The following AGXT variants were observed in gnomAD, a reference collection of about 807,000 sequenced individuals.
AGXT encodes the protein L-alanine: glyoxylate aminotransferase 1.
A neutral mutation model predicts 46.9 loss-of-function variants in AGXT; 41 were observed. That is an observed-to-expected ratio of 0.88 (90% CI 0.68 to 1.14). The LOEUF is 1.14. Among genes scored for constraint, AGXT ranks in the 50% most tolerant of loss-of-function variants. AGXT has a pLI of 0.00. For missense variants in AGXT, 525 were observed against 522.7 expected, an observed-to-expected ratio of 1.00 and a Z score of -0.04; for synonymous variants, 244 against 227.9, an observed-to-expected ratio of 1.07 and a Z score of -0.64.
At position 240,868,925 on chromosome 2, in the gene AGXT, C is replaced by A; in HGVS notation, c.60C>A (p.Ile20=). ...AGGCCCTGCTCAAGCCCCTCTCCAT[C>A]CCCAACCAGCTCCTGCTGGGGCCTG... ...PPKALLKPLS[I]PNQLLLGPGP... Residue 20 remains isoleucine, a synonymous_variant, in exon 1 of 11, where the codon ATC becomes ATA. Coordinates refer to ENST00000307503, the MANE Select transcript of AGXT (RefSeq NM_000030.3). 3 of 1,613,346 alleles carry A rather than the reference C, an allele frequency of 1.9e-6. No individual in the cohort carries two copies. The highest frequency in any genetic ancestry group is 1.3e-5 in the African/African-American group (1 of 75,064).
At chr2:240,869,947 G>A (rs551989354) in intron 2 of AGXT, among the ~76,000 whole-genome samples, 7 of 152,212 alleles carry the variant, frequency 4.6e-5, no homozygotes, top group East Asian at 3.9e-4. Context: ...GTTAATACGC[G>A]ACCGCAACAG....
intron 4 of AGXT, among the ~76,000 whole-genome samples, chr2:240,871,696 C>T (rs2058991922): frequency 6.6e-6 from 1 of 152,198 alleles, no homozygotes; most frequent in Non-Finnish European, 1.5e-5. Flanking sequence ...GACCTCTGTC[C>T]CCAGGGCTGA....
chr2:240,877,109 T>C (rs2059028512), intron 8 of AGXT: 1 of 356,772 alleles, frequency 2.8e-6, no homozygotes, highest in South Asian at 2.2e-5. Flanking sequence ...TGTCCAGAGC[T>C]GAGGCAGGAG....
intron 8 of AGXT, chr2:240,877,276 C>G (rs1312492989): frequency 1.5e-6 from 1 of 655,268 alleles, no homozygotes; most frequent in Non-Finnish European, 2.8e-6. Context: ...GCAAGGCACT[C>G]TCCACTCTTC....
intron 6 of AGXT, 121 bp from the exon 7 acceptor site, chr2:240,874,988 G>A: frequency 1.2e-6 from 1 of 811,152 alleles, no homozygotes; most frequent in South Asian, 1.4e-5. Flanking sequence ...ATGCAGCTGG[G>A]GCGGGCCCTC....
rs912838566 is a variant in AGXT at position 240,880,116 on chromosome 2, C to T, written c.*1295C>T. The T allele has an allele frequency of 6.6e-6, 1 of 152,138 alleles. No individual in the cohort carries two copies. The highest frequency in any genetic ancestry group is 2.4e-5 in the African/African-American group (1 of 41,406). The allele number at this position is 152,138 out of a possible 1,614,324, so 9.4% of individuals were successfully genotyped here. A position where few individuals can be genotyped will look rare whatever the true frequency, so the allele number is the denominator to read the frequency against. On this transcript the variant is annotated 3_prime_UTR_variant, in exon 11 of 11. Transcript: ENST00000307503. ...AATTCTTACTCAAGCCTTCGTGTGG[C>T]CATATATTTTCATTTTTCTTGGATA...
rs1318920655 is a variant in AGXT, at chr2:240,875,950, C to T, written c.792C>T (p.Ile264=). ...TGTCTTCCAGGTACCATCACACAAT[C>T]CCCGTCATCAGCCTGTACAGCCTGA... ...DDQPRMYHHT[I]PVISLYSLRE... Residue 264 remains isoleucine (I), a synonymous_variant, in exon 8 of 11, where the codon ATC becomes ATT. Transcript: ENST00000307503. The T allele has an allele frequency of 2.5e-6, 4 of 1,614,096 alleles. No homozygotes were observed. The South Asian group carries it at 3.3e-5, about 13-fold the overall frequency.
At position 240,869,244 on chromosome 2, in the gene AGXT, C is replaced by A; in HGVS notation, c.240C>A (p.Gly80=). 6.2e-7 allele frequency: 1 copy of A among 1,613,734 alleles called. No individual in the cohort carries two copies. Among genetic ancestry groups the A allele is most frequent in the South Asian group, 1.1e-5 (1 of 91,076 alleles). Residue 80 remains glycine (G), a synonymous_variant, in exon 2 of 11, where the codon GGC becomes GGA. Coordinates refer to ENST00000307503, the MANE Select transcript of AGXT (RefSeq NM_000030.3). ...TRNPLTLVIS[G]SGHCALEAAL... is the part of the protein sequence containing the mutation. The stretch of plus-strand genomic sequence containing the variant: ...ACCCACTCACACTGGTCATCTCTGG[C>A]TCGGGACACTGTGCCCTGGAGGCCG...
chr2:240,868,907 G>A lies in AGXT; in HGVS notation c.42G>A (p.Leu14=), dbSNP rs1259541782. 1.2e-6 allele frequency: 2 copies of A among 1,613,192 alleles called. No individual in the cohort carries two copies. The highest frequency in any genetic ancestry group is 2.7e-5 in the African/African-American group (2 of 75,062). ...HKLLVTPPKA[L]LKPLSIPNQL... ...TGCTGGTGACCCCCCCCAAGGCCCT[G>A]CTCAAGCCCCTCTCCATCCCCAACC... Residue 14 remains leucine (L), a synonymous_variant, in exon 1 of 11, where the codon CTG becomes CTA. Transcript: ENST00000307503.
intron 6 of AGXT, among the ~76,000 whole-genome samples, chr2:240,874,402 A>G (rs1258840769): frequency 6.6e-6 from 1 of 152,208 alleles, no homozygotes; most frequent in Non-Finnish European, 1.5e-5. Flanking sequence ...GGCTGCCCCA[A>G]GGGACAACGT....
At chr2:240,871,276 C>T in intron 3 of AGXT, 73 bp from the exon 4 acceptor site, 1 of 1,317,700 alleles carries the variant, frequency 7.6e-7, no homozygotes, top group Non-Finnish European at 1.1e-6. Flanking sequence ...CTGTGCCACC[C>T]ATGGGGGGTT....
chr2:240,879,952 G>C lies in AGXT; in HGVS notation c.*1131G>C, dbSNP rs574631040. The stretch of plus-strand genomic sequence containing the variant: ...CTGAGTGCCGTCCCGTCATATGGAC[G>C]TGCGTCGTGGGCGCCGGTGTGTCTT... On this transcript the variant is annotated 3_prime_UTR_variant, in exon 11 of 11. Coordinates refer to ENST00000307503, the MANE Select transcript of AGXT (RefSeq NM_000030.3). The C allele has an allele frequency of 6.6e-6, 1 of 151,112 alleles. No individual in the cohort carries two copies. Among genetic ancestry groups the C allele is most frequent in the Non-Finnish European group, 1.5e-5 (1 of 67,914 alleles). The allele number at this position is 151,112 out of a possible 1,614,324, so 9.4% of individuals were successfully genotyped here.
chr2:240,873,211 C>T (rs1199750929), intron 5 of AGXT, 162 bp downstream of exon 5: 3 of 633,436 alleles, frequency 4.7e-6, no homozygotes, highest in East Asian at 5.5e-5. Context: ...GCAAGAGCGG[C>T]TCCATGAACT....
Position 240,878,819 on chromosome 2 carries a change from T to G in AGXT, c.1177T>G (p.Ter393GlyextTer39), listed in dbSNP as rs1466119890. The part of the protein sequence containing the change: ...ALQHCPKKKL[*>G] ...GCAGCACTGCCCCAAGAAGAAGCTG[T>G]GACCTGCCCACTGGCACACAGCTGG... Residue 393 changes from the stop codon to glycine, a stop_lost, in exon 11 of 11, where the codon TGA becomes GGA. Coordinates refer to ENST00000307503, the MANE Select transcript of AGXT (RefSeq NM_000030.3). 10 of 1,588,206 alleles carry G rather than the reference T, an allele frequency of 6.3e-6. No individual in the cohort carries two copies. Among genetic ancestry groups the G allele is most frequent in the Non-Finnish European group, 6.0e-6 (7 of 1,170,282 alleles).
chr2:240,870,711 AG>A lies in AGXT; in HGVS notation c.423+7del. 1.3e-6 allele frequency: 2 copies of A among 1,548,692 alleles called. No homozygotes were observed. Among genetic ancestry groups the A allele is most frequent in the Non-Finnish European group, 1.7e-6 (2 of 1,145,774 alleles). ...ACACACTGCAGGAGGTGGAGGAGGT[AG>A]GGGACCCGGGGTGGGGGTCAGGGCC... On this transcript the variant is annotated splice_donor_region_variant and intron_variant, in intron 3 of 10. Coordinates refer to ENST00000307503, the MANE Select transcript of AGXT (RefSeq NM_000030.3).
At chr2:240,869,071 T>C in intron 1 of AGXT, 41 bp downstream of exon 1, 2 of 1,606,592 alleles carry the variant, frequency 1.2e-6, no homozygotes, top group Non-Finnish European at 1.7e-6. Context: ...GTCTCACCCA[T>C]GTTCCCACCC....
intron 8 of AGXT, 119 bp downstream of exon 8, chr2:240,876,123 G>C (rs961631150): frequency 8.1e-7 from 1 of 1,238,176 alleles, no homozygotes; most frequent in African/African-American, 1.5e-5. Flanking sequence ...CCAGAGAGAG[G>C]CCCTCAGTGG....
rs1191373107 is a variant in AGXT at position 240,877,363 on chromosome 2, C to T, written c.847-174C>T. The T allele has an allele frequency of 7.1e-6, 5 of 709,076 alleles. No individual in the cohort carries two copies. The African/African-American group carries it at 8.7e-5, about 12-fold the overall frequency. 43.9% of individuals were successfully genotyped at this position (709,076 alleles called of 1,614,324 possible). A position where few individuals can be genotyped will look rare whatever the true frequency, so the allele number is the denominator to read the frequency against. ...TGTCTCTCCCAGACCCAGATGTTTC[C>T]TTCTGCCCTGGGGTAGTCCCAGGCC... On this transcript the variant is annotated intron_variant, in intron 8 of 10. Coordinates refer to ENST00000307503, the MANE Select transcript of AGXT (RefSeq NM_000030.3).
chr2:240,874,229 AG>A (rs1383087622), intron 6 of AGXT, among the ~76,000 whole-genome samples, 167 bp downstream of exon 6: 4 of 152,188 alleles, frequency 2.6e-5, no homozygotes, highest in East Asian at 3.9e-4. Flanking sequence ...CTGCGTTCAC[AG>A]GGAGTGGGGA....
Sources: gnomAD v4.1 joint callset for allele counts (sites outside exome capture counted in the v4.1 genomes callset) on GRCh38, gnomAD v4.1.1 for gene constraint, MANE v1.5 for transcripts, NCBI Gene and HGNC (gene_info 2026-07-23, HGNC 2026-07-21) for gene names.